TRDN: variants seen among roughly 807,000 people sequenced by gnomAD.
TRDN encodes triadin, also known as triadin in skeletal muscle.
TRDN carries 161 observed loss-of-function variants against 149.7 expected under a neutral mutation model. The ratio of observed to expected loss-of-function variants is 1.08; its 90% CI spans 0.95 to 1.23. The LOEUF (loss-of-function observed/expected upper bound fraction) is 1.23. Ranked by LOEUF, TRDN falls within the 50% of genes most tolerant of loss-of-function variation. The pLI, the probability that TRDN is intolerant of heterozygous loss-of-function variation, is 0.00. For missense variants in TRDN, 896 were observed against 823.5 expected, an observed-to-expected ratio of 1.09 and a Z score of -1.08; for synonymous variants, 294 against 250.5, an observed-to-expected ratio of 1.17 and a Z score of -1.64.
intron 12 of TRDN, among the ~76,000 whole-genome samples, chr6:123,427,649 C>T (rs987880833): frequency 6.6e-6 from 1 of 152,098 alleles, no homozygotes; most frequent in African/African-American, 2.4e-5. Flanking sequence ...AAAAGTAAGT[C>T]TACACCTAAA....
chr6:123,514,882 A>G (rs1228075523), intron 6 of TRDN, among the ~76,000 whole-genome samples: 2 of 151,992 alleles, frequency 1.3e-5, no homozygotes, highest in East Asian at 3.9e-4. Context: ...GTGAACAATG[A>G]GAACACATGG....
At chr6:123,389,467 C>CTCTT (rs1273655346) in intron 13 of TRDN, 2 of 152,140 alleles carry the variant, frequency 1.3e-5, no homozygotes, top group Admixed American at 1.3e-4. Flanking sequence ...ATTGCCAAAG[C>CTCTT]TCTTTCAGGT....
At chr6:123,612,242 G>GAA (rs35184623) in intron 1 of TRDN, among the ~76,000 whole-genome samples, 9 of 94,712 alleles carry the variant, frequency 9.5e-5, no homozygotes, top group African/African-American at 1.3e-4. Context: ...TAAAAATACA[G>GAA]AAAAAAAAAA....
At chr6:123,325,088 A>G (rs905120774) in intron 23 of TRDN, among the ~76,000 whole-genome samples, 19 of 152,138 alleles carry the variant, frequency 1.2e-4, no homozygotes, top group Non-Finnish European at 2.8e-4. Flanking sequence ...CAATAAAATT[A>G]TTACAAAGAC....
intron 1 of TRDN, among the ~76,000 whole-genome samples, chr6:123,633,187 A>G (rs1438692749): frequency 6.6e-6 from 1 of 152,054 alleles, no homozygotes; most frequent in Non-Finnish European, 1.5e-5. Flanking sequence ...TATATATGGG[A>G]TTCCCAGCAA....
chr6:123,487,362 T>C (rs1370460824), intron 9 of TRDN, among the ~76,000 whole-genome samples: 8 of 152,084 alleles, frequency 5.3e-5, no homozygotes, highest in Non-Finnish European at 8.8e-5. Context: ...CTTTGTAGAA[T>C]TTTGAGTTGC....
At chr6:123,614,052 C>T (rs568628470) in intron 1 of TRDN, among the ~76,000 whole-genome samples, 1 of 152,090 alleles carries the variant, frequency 6.6e-6, no homozygotes, top group East Asian at 1.9e-4. Flanking sequence ...GCTACTCAAA[C>T]TGTGCTCTAA....
At chr6:123,237,495 G>A (rs368205438) in intron 38 of TRDN, among the ~76,000 whole-genome samples, 4 of 152,142 alleles carry the variant, frequency 2.6e-5, no homozygotes, top group East Asian at 1.9e-4. Context: ...TGAACTGCCC[G>A]CCTCAGCCTC....
intron 24 of TRDN, among the ~76,000 whole-genome samples, chr6:123,304,903 CAA>C (rs1171406175): frequency 6.6e-6 from 1 of 151,644 alleles, no homozygotes; most frequent in Non-Finnish European, 1.5e-5. Flanking sequence ...TTCCAGATTT[CAA>C]AAAAAGTCTT....
Position 123,543,320 on chromosome 6 carries a change from T to C in TRDN, c.424+4020A>G, listed in dbSNP as rs142605635. The stretch of plus-strand genomic sequence containing the variant: ...TCATCATTAGTCTTTGGGAATGTGG[T>C]AAGCAAATAGTACATGTTCTCTTCC... On this transcript the variant is annotated intron_variant, in intron 4 of 40. Coordinates refer to ENST00000334268, the MANE Select transcript of TRDN (RefSeq NM_006073.4). Among the ~76,000 whole-genome samples, 37 of 152,288 alleles carry C rather than the reference T, an allele frequency of 2.4e-4. 1 individual carries two copies. Among genetic ancestry groups the C allele is most frequent in the African/African-American group, 8.7e-4 (36 of 41,572 alleles).
chr6:123,395,561 C>T (rs755558155), intron 12 of TRDN, among the ~76,000 whole-genome samples: 5 of 152,128 alleles, frequency 3.3e-5, no homozygotes, highest in African/African-American at 4.8e-5. Context: ...GCTCTTCTTT[C>T]TACTAAGACT....
At chr6:123,236,794 A>G (rs1407762442) in intron 38 of TRDN, among the ~76,000 whole-genome samples, 3 of 152,140 alleles carry the variant, frequency 2.0e-5, no homozygotes, top group Admixed American at 6.5e-5. Context: ...ACATTGATCT[A>G]TGTGGCTATA....
chr6:123,464,596 T>A, intron 10 of TRDN: 3 of 1,049,288 alleles, frequency 2.9e-6, no homozygotes, highest in Non-Finnish European at 3.4e-6. Context: ...CAAGTTGTGG[T>A]AAAACTCCCA....
chr6:123,390,921 A>G (rs1782087437), intron 13 of TRDN, among the ~76,000 whole-genome samples: 1 of 152,132 alleles, frequency 6.6e-6, no homozygotes, highest in Admixed American at 6.6e-5. Context: ...TGCTTCAGGA[A>G]TCCAGAAGAA....
intron 19 of TRDN, among the ~76,000 whole-genome samples, chr6:123,372,914 A>G (rs980685902): frequency 1.3e-5 from 2 of 152,082 alleles, no homozygotes; most frequent in South Asian, 2.1e-4. Flanking sequence ...TGCTCACACT[A>G]TGATAAATAA....
At chr6:123,323,493 A>T (rs1246222948) in intron 23 of TRDN, among the ~76,000 whole-genome samples, 3 of 152,142 alleles carry the variant, frequency 2.0e-5, no homozygotes, top group Non-Finnish European at 4.4e-5. Context: ...AACAAAAACA[A>T]TTATGGTTGA....
chr6:123,531,201 G>T (rs1246701511), intron 4 of TRDN, among the ~76,000 whole-genome samples: 2 of 151,924 alleles, frequency 1.3e-5, no homozygotes, highest in Non-Finnish European at 2.9e-5. Context: ...TAAGAAAATG[G>T]AGTTAATTCT....
intron 8 of TRDN, chr6:123,502,833 GTC>G (rs1778755239): frequency 6.1e-6 from 6 of 985,238 alleles, no homozygotes; most frequent in Non-Finnish European, 7.2e-6. Flanking sequence ...TACAGGAATA[GTC>G]TCTACATGTT....
At chr6:123,483,066 TTTATTATTA>T (rs71021451) in intron 9 of TRDN, among the ~76,000 whole-genome samples, 30,983 of 133,134 alleles carry the variant, frequency 0.23, 3,796 homozygotes, top group Admixed American at 0.31. Context: ...TGATTTCTCA[TTTATTATTA>T]TTATTATTAT....
Sources: gnomAD v4.1 joint callset for allele counts (sites outside exome capture counted in the v4.1 genomes callset) on GRCh38, gnomAD v4.1.1 for gene constraint, MANE v1.5 for transcripts, NCBI Gene and HGNC (gene_info 2026-07-23, HGNC 2026-07-21) for gene names.